Variants in ARIH1 observed in about 807,000 individuals in gnomAD.
ARIH1 encodes E3 ubiquitin-protein ligase ARIH1.
In ARIH1, 8 loss-of-function variants were observed where a neutral mutation model predicts 85.0. The ratio of observed to expected loss-of-function variants is 0.09; its 90% CI spans 0.06 to 0.17. The LOEUF (loss-of-function observed/expected upper bound fraction) is 0.17. Among genes scored for constraint, ARIH1 ranks in the 10% least tolerant of loss-of-function variants. ARIH1 has a pLI of 1.00. For synonymous variants in ARIH1, 238 were observed against 253.6 expected, an observed-to-expected ratio of 0.94 and a Z score of 0.59; for missense variants, 311 against 718.1, an observed-to-expected ratio of 0.43 and a Z score of 6.48.
rs554816113 is a variant in ARIH1 at position 72,540,846 on chromosome 15, A to T, written c.444-3974A>T. Among the ~76,000 whole-genome samples the T allele has an allele frequency of 6.0e-4, 92 of 152,276 alleles. 1 individual carries two copies. The highest frequency in any genetic ancestry group is 2.1e-3 in the African/African-American group (87 of 41,566). Reference sequence around the variant, plus strand: ...GAGACCCTAACTCATTTTTTTTAAAAAAGGTATTAACTCCAATATACGCTA... The same window carrying T: ...GAGACCCTAACTCATTTTTTTTAAATAAGGTATTAACTCCAATATACGCTA... On this transcript the variant is annotated intron_variant, in intron 2 of 13. Transcript: ENST00000379887.
At chr15:72,580,093 C>T (rs1567361623) in intron 11 of ARIH1, among the ~76,000 whole-genome samples, 1 of 152,188 alleles carries the variant, frequency 6.6e-6, no homozygotes, top group Non-Finnish European at 1.5e-5. Flanking sequence ...CTTCCTACCC[C>T]TCTATCCCCG....
intron 1 of ARIH1, among the ~76,000 whole-genome samples, chr15:72,477,114 T>G (rs2063798011): frequency 6.6e-6 from 1 of 152,224 alleles, no homozygotes; most frequent in Admixed American, 6.5e-5. Context: ...ACTACCACAT[T>G]GCTTTCAGAA....
At chr15:72,568,295 T>G (rs1371302539) in intron 9 of ARIH1, among the ~76,000 whole-genome samples, 1 of 152,196 alleles carries the variant, frequency 6.6e-6, no homozygotes, top group Non-Finnish European at 1.5e-5. Flanking sequence ...TTTTGAAAAT[T>G]GAAGATTTTC....
At chr15:72,557,144 A>G (rs1345558921) in intron 5 of ARIH1, among the ~76,000 whole-genome samples, 1 of 151,756 alleles carries the variant, frequency 6.6e-6, no homozygotes, top group Non-Finnish European at 1.5e-5. Flanking sequence ...CTTTTTAATA[A>G]TATTCCTTAT....
Position 72,588,896 on chromosome 15 carries a change from A to G in ARIH1, c.*5604A>G, listed in dbSNP as rs1420394425. 6.6e-6 allele frequency: 1 copy of G among 152,210 alleles called. No homozygotes were observed. The highest frequency in any genetic ancestry group is 6.5e-5 in the Admixed American group (1 of 15,288). 9.4% of individuals were successfully genotyped at this position (152,210 alleles called of 1,614,324 possible). On this transcript the variant is annotated 3_prime_UTR_variant, in exon 14 of 14. Transcript: ENST00000379887. ...TGAGCAAAGGAAGTTGAGTGGTTAT[A>G]AGCAAAACTGTCATTAAAGCTAGTT...
At chr15:72,534,552 T>C (rs955740338) in intron 2 of ARIH1, among the ~76,000 whole-genome samples, 1 of 152,342 alleles carries the variant, frequency 6.6e-6, no homozygotes, top group East Asian at 1.9e-4. Context: ...GTAGGATTAA[T>C]AGTTCCTTTG....
At chr15:72,560,532 G>T (rs2064193264) in intron 5 of ARIH1, among the ~76,000 whole-genome samples, 1 of 152,202 alleles carries the variant, frequency 6.6e-6, no homozygotes, top group Non-Finnish European at 1.5e-5. Flanking sequence ...TGAGTTGTGA[G>T]GCTGGCATTC....
At chr15:72,499,909 A>G (rs962801430) in intron 1 of ARIH1, among the ~76,000 whole-genome samples, 1 of 151,928 alleles carries the variant, frequency 6.6e-6, no homozygotes, top group Non-Finnish European at 1.5e-5. Flanking sequence ...CTCTCACAAC[A>G]CTTTTTTCCC....
At position 72,586,331 on chromosome 15, in the gene ARIH1, G is replaced by A. The variant is rs1038063595; in HGVS notation, c.*3039G>A. The A allele has an allele frequency of 6.6e-6, 1 of 152,072 alleles. No homozygotes were observed. Among genetic ancestry groups the A allele is most frequent in the Non-Finnish European group, 1.5e-5 (1 of 68,010 alleles). The allele number at this position is 152,072 out of a possible 1,614,324, so 9.4% of individuals were successfully genotyped here. ...GGAGTTAATGTAACAAATTATTTTA[G>A]CTACAAACCCCGGTAATAGAGCACT... On this transcript the variant is annotated 3_prime_UTR_variant, in exon 14 of 14. Coordinates refer to ENST00000379887, the MANE Select transcript of ARIH1 (RefSeq NM_005744.5).
At chr15:72,537,508 A>G (rs2064087893) in intron 2 of ARIH1, among the ~76,000 whole-genome samples, 2 of 152,164 alleles carry the variant, frequency 1.3e-5, no homozygotes, top group Admixed American at 1.3e-4. Context: ...ATGACTTATT[A>G]TTCCGTATTG....
intron 1 of ARIH1, among the ~76,000 whole-genome samples, chr15:72,486,767 C>T (rs2063839246): frequency 7.5e-6 from 1 of 133,408 alleles, no homozygotes; most frequent in Admixed American, 9.2e-5. Context: ...GATCTTGGCT[C>T]ACTGCAACCT....
intron 1 of ARIH1, among the ~76,000 whole-genome samples, chr15:72,506,517 A>G (rs2063926502): frequency 6.6e-6 from 1 of 152,068 alleles, no homozygotes; most frequent in African/African-American, 2.4e-5. Flanking sequence ...TTGAGTGGGT[A>G]TGCTTGCTCA....
chr15:72,514,071 C>T (rs2063963849), intron 1 of ARIH1, among the ~76,000 whole-genome samples: 1 of 151,062 alleles, frequency 6.6e-6, no homozygotes, highest in African/African-American at 2.4e-5. Context: ...AACTCCTGGG[C>T]TCAAGTGATC....
At chr15:72,535,093 A>G (rs2064075823) in intron 2 of ARIH1, among the ~76,000 whole-genome samples, 2 of 149,916 alleles carry the variant, frequency 1.3e-5, no homozygotes, top group Non-Finnish European at 3.0e-5. Flanking sequence ...CTGGGACTAC[A>G]GGCGCCCGCC....
intron 1 of ARIH1, among the ~76,000 whole-genome samples, chr15:72,476,388 G>A (rs750132532): frequency 9.2e-5 from 14 of 152,240 alleles, no homozygotes; most frequent in Non-Finnish European, 1.9e-4. Context: ...TGTTTGAGAC[G>A]GAGTCTTGCT....
chr15:72,484,454 T>C (rs901903059), intron 1 of ARIH1, among the ~76,000 whole-genome samples: 3 of 151,822 alleles, frequency 2.0e-5, no homozygotes, highest in Non-Finnish European at 2.9e-5. Flanking sequence ...GAGTTCATTA[T>C]ATCAATCTTA....
At chr15:72,579,551 T>A (rs1595875291) in intron 11 of ARIH1, among the ~76,000 whole-genome samples, 1 of 152,246 alleles carries the variant, frequency 6.6e-6, no homozygotes, top group Admixed American at 6.5e-5. Flanking sequence ...TTTGTAATGA[T>A]GTAAATGTTC....
intron 11 of ARIH1, among the ~76,000 whole-genome samples, chr15:72,574,797 A>G (rs1054503774): frequency 2.0e-5 from 3 of 152,186 alleles, no homozygotes; most frequent in Non-Finnish European, 4.4e-5. Flanking sequence ...CTGGCTGGGC[A>G]TGATGGCTCA....
intron 1 of ARIH1, among the ~76,000 whole-genome samples, chr15:72,497,739 G>A (rs1354398632): frequency 2.0e-5 from 3 of 152,138 alleles, no homozygotes; most frequent in Non-Finnish European, 4.4e-5. Flanking sequence ...TAGGTTAGTA[G>A]AGTGCTTCTC....
Sources: allele counts gnomAD v4.1 joint callset (sites outside exome capture counted in the v4.1 genomes callset), GRCh38; gene constraint gnomAD v4.1.1; transcripts MANE v1.5; gene names NCBI Gene and HGNC (gene_info 2026-07-23, HGNC 2026-07-21).